The following FHAD1 variants were observed in gnomAD, a reference collection of about 807,000 sequenced individuals.
The protein encoded by FHAD1 is forkhead-associated domain-containing protein 1.
Under a neutral mutation model 191.3 loss-of-function variants are expected in FHAD1, and 146 were observed. That is an observed-to-expected ratio of 0.76 (90% CI 0.67 to 0.88). The LOEUF is 0.88. Ranked by LOEUF, FHAD1 falls within the 40% of genes least tolerant of loss-of-function variation. The pLI is 0.00. For synonymous variants in FHAD1, 616 were observed against 672.3 expected, an observed-to-expected ratio of 0.92 and a Z score of 1.29; for missense variants, 1,635 against 1,785.8, an observed-to-expected ratio of 0.92 and a Z score of 1.52.
rs1680103221 is a variant in FHAD1 at position 15,329,017 on chromosome 1, C to A, written c.1711-329C>A. On this transcript the variant is annotated intron_variant, in intron 13 of 33. Transcript: ENST00000688493. This position sits in a 1 kb window ranked among gnomAD's most constrained non-coding sequence, Gnocchi z 5.0. Reference sequence around the variant, plus strand: ...CTTTCCGACCAGCTTGTGTGTTGATCTTGGCAGGAATTCTGACGAATGGAA... The same window carrying A: ...CTTTCCGACCAGCTTGTGTGTTGATATTGGCAGGAATTCTGACGAATGGAA... 1 of 191,770 alleles carries A rather than the reference C, an allele frequency of 5.2e-6. No individual in the cohort carries two copies. The highest frequency in any genetic ancestry group is 1.1e-5 in the Non-Finnish European group (1 of 93,522). The allele number at this position is 191,770 out of a possible 1,614,324, so 11.9% of individuals were successfully genotyped here. A position where few individuals can be genotyped will look rare whatever the true frequency, so the allele number is the denominator to read the frequency against.
intron 1 of FHAD1, among the ~76,000 whole-genome samples, chr1:15,237,769 G>A (rs1163455863): frequency 1.3e-5 from 2 of 149,168 alleles, no homozygotes; most frequent in Non-Finnish European, 3.0e-5. Flanking sequence ...AGTTGTTCTC[G>A]AGAAAAGAGA....
At chr1:15,300,986 C>T (rs1188228373) in intron 5 of FHAD1, among the ~76,000 whole-genome samples, 2 of 152,146 alleles carry the variant, frequency 1.3e-5, no homozygotes, top group African/African-American at 2.4e-5. Flanking sequence ...CTTGCCACCA[C>T]ACCCAGCTAA....
Position 15,323,785 on chromosome 1 carries a change from G to A in FHAD1, c.1366-667G>A, listed in dbSNP as rs556579629. On this transcript the variant is annotated intron_variant, in intron 10 of 33. Transcript: ENST00000688493. ...TTGCCCATTACTCGAGCAAGCGGGG[G>A]AAAATGGGCAAGTTTCCCCACTTTA... Among the ~76,000 whole-genome samples, 4 of 152,226 alleles carry A rather than the reference G, an allele frequency of 2.6e-5. No homozygotes were observed. The South Asian group carries it at 8.3e-4, about 32-fold the overall frequency.
intron 18 of FHAD1, among the ~76,000 whole-genome samples, chr1:15,347,777 A>G (rs1167986699): frequency 1.3e-5 from 2 of 152,202 alleles, no homozygotes; most frequent in Admixed American, 6.5e-5. Flanking sequence ...ATCTTCCGCC[A>G]CATCATCAGG....
At chr1:15,290,046 C>T (rs958751639) in intron 4 of FHAD1, among the ~76,000 whole-genome samples, 4 of 152,160 alleles carry the variant, frequency 2.6e-5, no homozygotes, top group Non-Finnish European at 5.9e-5. Flanking sequence ...CCCAACAGCC[C>T]TAGGAGCTTT....
chr1:15,328,377 A>ACAC lies in FHAD1; in HGVS notation c.1658_1659insCAC (p.Glu553delinsAspThr). 1.3e-6 allele frequency: 2 copies of ACAC among 1,485,392 alleles called. No homozygotes were observed. The highest frequency in any genetic ancestry group is 9.0e-7 in the Non-Finnish European group (1 of 1,111,880). 92.0% of individuals were successfully genotyped at this position (1,485,392 alleles called of 1,614,324 possible). A position where few individuals can be genotyped will look rare whatever the true frequency, so the allele number is the denominator to read the frequency against. ...ACCCAGCTGAGCAACTCCAAGCAGG[A>ACAC]GGAGACCACCGAGAACATCGAGAAG... On this transcript the variant is annotated protein_altering_variant, in exon 13 of 34. Transcript: ENST00000688493.
At chr1:15,308,571 C>T (rs771769226) in intron 6 of FHAD1, 42 bp from the exon 7 acceptor site, 75 of 1,548,730 alleles carry the variant, frequency 4.8e-5, no homozygotes, top group Middle Eastern at 1.7e-4. Flanking sequence ...GTCTCCCAGA[C>T]GTGGGCCAGC....
intron 1 of FHAD1, among the ~76,000 whole-genome samples, chr1:15,238,041 G>A (rs1388235967): frequency 1.3e-5 from 2 of 151,930 alleles, no homozygotes; most frequent in Non-Finnish European, 2.9e-5. Context: ...ACGACGTCAG[G>A]AGTCCGAGAC....
At chr1:15,359,949 C>G (rs2102637073) in intron 21 of FHAD1, among the ~76,000 whole-genome samples, 1 of 150,472 alleles carries the variant, frequency 6.6e-6, no homozygotes, top group Non-Finnish European at 1.5e-5. Context: ...GACTCCGTCT[C>G]AAGAAAAAAA....
At chr1:15,365,791 A>G in intron 23 of FHAD1, 36 bp from the exon 24 acceptor site, 2 of 1,347,996 alleles carry the variant, frequency 1.5e-6, no homozygotes, top group Non-Finnish European at 2.1e-6. Flanking sequence ...ATGGAGTTTG[A>G]GTTGAACTGA....
At chr1:15,293,014 C>G (rs1442545756) in intron 4 of FHAD1, among the ~76,000 whole-genome samples, 1 of 152,126 alleles carries the variant, frequency 6.6e-6, no homozygotes, top group African/African-American at 2.4e-5. Context: ...TTATGGCAAC[C>G]TGAGCATATT....
intron 21 of FHAD1, among the ~76,000 whole-genome samples, chr1:15,359,875 G>C (rs1452233009): frequency 6.6e-6 from 1 of 151,760 alleles, no homozygotes; most frequent in Non-Finnish European, 1.5e-5. Flanking sequence ...GTGTGAACCC[G>C]GGAGGCGGAG....
intron 26 of FHAD1, among the ~76,000 whole-genome samples, chr1:15,370,811 C>T (rs1697856799): frequency 6.6e-6 from 1 of 152,172 alleles, no homozygotes; most frequent in African/African-American, 2.4e-5. Context: ...ATTCTTTCCC[C>T]AGGGCTTTTT....
chr1:15,352,939 G>GA lies in FHAD1; in HGVS notation c.2522dup (p.Val842GlyfsTer27). The GA allele has an allele frequency of 6.4e-7, 1 of 1,551,444 alleles. No individual in the cohort carries two copies. The highest frequency in any genetic ancestry group is 1.2e-5 in the South Asian group (1 of 84,044). ...CAAAGGAGGCCATGGAGAAGGAAAA[G>GA]AAAAAGGTGCAAGACCTGGAGAATC... On this transcript the variant is annotated frameshift_variant, in exon 20 of 34. Coordinates refer to ENST00000688493, the MANE Select transcript of FHAD1 (RefSeq NM_001391957.1). LOFTEE classifies it high-confidence loss of function.
In FHAD1 at chr1:15,288,348, C is replaced by A. The variant is rs1663241355; in HGVS notation, c.301-1051C>A. ...GCAAAAGCCAGGTGTCAGCACCACT[C>A]CACGTTTGCTCATCCACGGTTAGAT... On this transcript the variant is annotated intron_variant, in intron 3 of 33. Coordinates refer to ENST00000688493, the MANE Select transcript of FHAD1 (RefSeq NM_001391957.1). Among the ~76,000 whole-genome samples the A allele has an allele frequency of 2.0e-5, 3 of 152,268 alleles. No homozygotes were observed. The South Asian group carries it at 6.2e-4, about 31-fold the overall frequency.
intron 8 of FHAD1, 120 bp downstream of exon 8, chr1:15,313,307 T>A: frequency 1.0e-5 from 3 of 297,394 alleles, no homozygotes; most frequent in Non-Finnish European, 1.6e-5. Flanking sequence ...TTCCTTCCTC[T>A]CACACCATTG....
intron 10 of FHAD1, among the ~76,000 whole-genome samples, chr1:15,322,036 T>G (rs578227): frequency 0.61 from 92,404 of 152,020 alleles, 29,361 homozygotes; most frequent in South Asian, 0.76. Flanking sequence ...TGTATAATCT[T>G]TTTGTATTCT....
chr1:15,259,245 C>T (rs1334957891), intron 2 of FHAD1, among the ~76,000 whole-genome samples: 3 of 152,152 alleles, frequency 2.0e-5, no homozygotes, highest in African/African-American at 7.2e-5. Context: ...TATGAGGCAT[C>T]TCGTGTGGTT....
intron 10 of FHAD1, 44 bp from the exon 11 acceptor site, chr1:15,324,408 A>G (rs2101693476): frequency 1.4e-6 from 2 of 1,422,338 alleles, no homozygotes; most frequent in Non-Finnish European, 1.9e-6. Context: ...AGAGTGCATT[A>G]TGATCACATT....
Sources: allele counts gnomAD v4.1 joint callset (sites outside exome capture counted in the v4.1 genomes callset), GRCh38; gene constraint gnomAD v4.1.1; non-coding constraint Gnocchi (gnomAD v3.1); transcripts MANE v1.5; gene names NCBI Gene and HGNC (gene_info 2026-07-23, HGNC 2026-07-21).